FAM83H: variants seen among roughly 807,000 people sequenced by gnomAD.
The protein encoded by FAM83H is protein FAM83H.
Under a neutral mutation model 30.2 loss-of-function variants are expected in FAM83H, and 24 were observed. The ratio of observed to expected loss-of-function variants is 0.79; its 90% CI spans 0.57 to 1.12. The LOEUF (loss-of-function observed/expected upper bound fraction) is 1.12. Ranked by LOEUF, FAM83H falls within the 50% of genes most tolerant of loss-of-function variation. The pLI is 0.00. For synonymous variants in FAM83H, 1,013 were observed against 821.7 expected, an observed-to-expected ratio of 1.23 and a Z score of -3.98; for missense variants, 2,038 against 1,773.9, an observed-to-expected ratio of 1.15 and a Z score of -2.67.
intron 2 of FAM83H, 99 bp downstream of exon 2, chr8:143,730,037 G>A (rs1818457050): frequency 2.6e-6 from 3 of 1,140,570 alleles, no homozygotes; most frequent in Non-Finnish European, 3.6e-6. Flanking sequence ...CTGGAGCTCA[G>A]GCTCACCCCT....
At position 143,727,370 on chromosome 8, in the gene FAM83H, G is replaced by A. The variant is rs1818339549; in HGVS notation, c.2091C>T (p.Ala697=). ...IFSTSQAEGA[A]GAAAATEKVQ... Reference sequence around the variant, plus strand: ...CCTTCTCAGTGGCCGCCGCAGCCCCGGCCGCGCCCTCGGCCTGTGACGTGC... The same window carrying A: ...CCTTCTCAGTGGCCGCCGCAGCCCCAGCCGCGCCCTCGGCCTGTGACGTGC... The change falls in exon 5 of 5, where the codon GCC becomes GCT. Residue 697 remains alanine, a synonymous_variant. Transcript: ENST00000388913. 2 of 1,570,190 alleles carry A rather than the reference G, an allele frequency of 1.3e-6. No individual in the cohort carries two copies. The highest frequency in any genetic ancestry group is 2.3e-5 in the East Asian group (1 of 43,414).
In FAM83H at chr8:143,727,526, C is replaced by G. The variant is rs782669112; in HGVS notation, c.1935G>C (p.Pro645=). Reference sequence around the variant, plus strand: ...GCTCTGGGCCGTTGCCGCCGCTGCCCGGGCCTGGCACCGGGACCTTGGTGG... The same window carrying G: ...GCTCTGGGCCGTTGCCGCCGCTGCCGGGGCCTGGCACCGGGACCTTGGTGG... ...AFPTKVPVPG[P]GSGGNGPERE... Residue 645 remains proline (P), a synonymous_variant, in exon 5 of 5, where the codon CCG becomes CCC. Coordinates refer to ENST00000388913, the MANE Select transcript of FAM83H (RefSeq NM_198488.5). The G allele has an allele frequency of 1.2e-5, 19 of 1,581,582 alleles. 1 individual carries two copies. In the South Asian group the frequency reaches 1.9e-4, roughly 16 times the overall value.
chr8:143,726,929 G>A lies in FAM83H; in HGVS notation c.2532C>T (p.Ser844=), dbSNP rs781812004. The A allele has an allele frequency of 1.7e-5, 28 of 1,611,844 alleles. No homozygotes were observed. Among genetic ancestry groups the A allele is most frequent in the Middle Eastern group, 1.6e-4 (1 of 6,084 alleles). Residue 844 remains serine, a synonymous_variant, in exon 5 of 5, where the codon TCC becomes TCT. Coordinates refer to ENST00000388913, the MANE Select transcript of FAM83H (RefSeq NM_198488.5). ...GCAGAGGGCTGTCCAGCCCTTGCGG[G>A]GACGTTGAGTGGCTCTGGGCAGAGA... The part of the protein sequence containing the change: ...RFLSAQSHST[S]PQGLDSPLPL...
Position 143,726,375 on chromosome 8 carries a change from T to G in FAM83H, c.3086A>C (p.Asn1029Thr), listed in dbSNP as rs201821244. The change falls in exon 5 of 5, where the codon AAC becomes ACC. Residue 1029 changes from asparagine to threonine, a missense_variant. Coordinates refer to ENST00000388913, the MANE Select transcript of FAM83H (RefSeq NM_198488.5). ...CCGAAGGTTGCTGCTGTACAAGGCG[T>G]TGGCCGTGGCTGAGGACAGGCGCGC... ...PRARLSSATA[N>T]ALYSSNLRDD... 8.4e-5 allele frequency: 136 copies of G among 1,610,896 alleles called. No individual in the cohort carries two copies. The African/African-American group carries it at 1.4e-3, about 17-fold the overall frequency.
intron 1 of FAM83H, chr8:143,731,687 A>G: frequency 1.0e-6 from 1 of 985,388 alleles, no homozygotes; most frequent in Non-Finnish European, 1.2e-6. Flanking sequence ...TGCACTCCAC[A>G]TCGCCCAAAT....
chr8:143,728,225 G>T lies in FAM83H; in HGVS notation c.1236C>A (p.Phe412Leu). The change falls in exon 5 of 5, where the codon TTC becomes TTA. Residue 412 changes from phenylalanine to leucine, a missense_variant. Physicochemically the swap from Phe to Leu is conservative, Grantham distance 22. Coordinates refer to ENST00000388913, the MANE Select transcript of FAM83H (RefSeq NM_198488.5). The part of the protein sequence containing the change: ...LEMDAFKRHS[F>L]ATEGAGAVEN... Reference sequence around the variant, plus strand: ...CCACGGCGCCCGCGCCCTCGGTCGCGAAGCTGTGCCGCTTGAAGGCGTCCA... The same window carrying T: ...CCACGGCGCCCGCGCCCTCGGTCGCTAAGCTGTGCCGCTTGAAGGCGTCCA... The T allele has an allele frequency of 6.3e-7, 1 of 1,593,198 alleles. No individual in the cohort carries two copies. The highest frequency in any genetic ancestry group is 8.5e-7 in the Non-Finnish European group (1 of 1,175,012).
chr8:143,728,345 C>T lies in FAM83H; in HGVS notation c.1116G>A (p.Gly372=), dbSNP rs747107254. ...MPGGALEPHA[G]LRPLSRRLEA... ...CCAGGCGCCGCGAGAGCGGCCGCAG[C>T]CCCGCGTGCGGTTCCAGCGCGCCCC... Residue 372 remains glycine (G), a synonymous_variant, in exon 5 of 5, where the codon GGG becomes GGA. Transcript: ENST00000388913. The T allele has an allele frequency of 8.6e-6, 13 of 1,510,564 alleles. No homozygotes were observed. The South Asian group carries it at 1.4e-4, about 16-fold the overall frequency. 93.6% of individuals were successfully genotyped at this position (1,510,564 alleles called of 1,614,324 possible).
At chr8:143,731,985 A>C (rs1240388173) in intron 1 of FAM83H, 2 of 985,214 alleles carry the variant, frequency 2.0e-6, no homozygotes, top group African/African-American at 1.7e-5. Flanking sequence ...TTGGGGAGGG[A>C]GGCAGGACAC....
chr8:143,731,305 G>A, intron 1 of FAM83H: 1 of 984,138 alleles, frequency 1.0e-6, no homozygotes, highest in Non-Finnish European at 1.2e-6. Context: ...GGAGACTGTG[G>A]GTAGGTCACT....
rs1554624093 is a variant in FAM83H at position 143,730,359 on chromosome 8, G to A, written c.224C>T (p.Thr75Ile). 3 of 1,613,698 alleles carry A rather than the reference G, an allele frequency of 1.9e-6. No homozygotes were observed. The highest frequency in any genetic ancestry group is 2.2e-5 in the South Asian group (2 of 91,090). The change falls in exon 2 of 5, where the codon ACC becomes ATC. Residue 75 changes from threonine to isoleucine, a missense_variant. Thr to Ile is a moderately conservative substitution (Grantham distance 89). Coordinates refer to ENST00000388913, the MANE Select transcript of FAM83H (RefSeq NM_198488.5). ...AAGGCTGCCTTCAGGTGGCTCTCGG[G>A]TAACATACTGCGGAGGCCGAAGGTG... ...SRHLRPPQYV[T>I]REPPEGSLLD...
In FAM83H at chr8:143,726,740, G is replaced by A. The variant is rs782198800; in HGVS notation, c.2721C>T (p.Ala907=). 1 of 1,612,168 alleles carries A rather than the reference G, an allele frequency of 6.2e-7. No homozygotes were observed. The highest frequency in any genetic ancestry group is 8.5e-7 in the Non-Finnish European group (1 of 1,179,830). Residue 907 remains alanine (A), a synonymous_variant, in exon 5 of 5, where the codon GCC becomes GCT. Transcript: ENST00000388913. ...CCGGACTACCCCTGCGCTCGGGGTAGGCTGAGGTGGGGCTCCCCTTCTGCT... is the reference window on the plus strand; with the variant it reads ...CCGGACTACCCCTGCGCTCGGGGTAAGCTGAGGTGGGGCTCCCCTTCTGCT... ...FIEQKGSPTS[A]YPERRGSPVP...
Position 143,725,873 on chromosome 8 carries a change from CG to C in FAM83H, c.*47del. On this transcript the variant is annotated 3_prime_UTR_variant, in exon 5 of 5. Transcript: ENST00000388913. ...CTGTTCCGCGGGGCTTCTGGATGAC[CG>C]GGGCAGCGATGCGGGCACCCTGGCC... The C allele has an allele frequency of 6.2e-7, 1 of 1,600,348 alleles. No individual in the cohort carries two copies. The highest frequency in any genetic ancestry group is 8.5e-7 in the Non-Finnish European group (1 of 1,173,292).
chr8:143,725,926 T>C lies in FAM83H; in HGVS notation c.3535A>G (p.Lys1179Glu). 1 of 1,612,784 alleles carries C rather than the reference T, an allele frequency of 6.2e-7. No homozygotes were observed. The highest frequency in any genetic ancestry group is 8.5e-7 in the Non-Finnish European group (1 of 1,179,888). Residue 1179 changes from lysine (K) to glutamate (E), a missense_variant, in exon 5 of 5, where the codon AAG becomes GAG. Coordinates refer to ENST00000388913, the MANE Select transcript of FAM83H (RefSeq NM_198488.5). ...GGGTTGCCAGGCCAGAAGACTCACTTCTTGCTTTTGAACGTGCCCAGGATC... is the reference window on the plus strand; with the variant it reads ...GGGTTGCCAGGCCAGAAGACTCACTCCTTGCTTTTGAACGTGCCCAGGATC... ...PKILGTFKSK[K>E] is the part of the protein sequence containing the mutation.
In FAM83H at chr8:143,730,559, G is replaced by A. The variant is rs1554624238; in HGVS notation, c.24C>T (p.Ser8=). 3.2e-6 allele frequency: 5 copies of A among 1,560,804 alleles called. No individual in the cohort carries two copies. Among genetic ancestry groups the A allele is most frequent in the East Asian group, 4.5e-5 (2 of 44,386 alleles). Residue 8 remains serine (S), a synonymous_variant, in exon 2 of 5, where the codon TCC becomes TCT. Transcript: ENST00000388913. MARRSQS[S]SQGDNPLAPG... ...GTGCCAGTGGGTTGTCCCCCTGCGA[G>A]GAGCTCTGAGAGCGACGGGCCATGT...
rs1818347183 is a variant in FAM83H at position 143,727,561 on chromosome 8, C to T, written c.1900G>A (p.Ala634Thr). 6.3e-7 allele frequency: 1 copy of T among 1,587,278 alleles called. No homozygotes were observed. Among genetic ancestry groups the T allele is most frequent in the Non-Finnish European group, 8.5e-7 (1 of 1,173,942 alleles). The change falls in exon 5 of 5, where the codon GCA (alanine) becomes ACA (threonine). Residue 634 changes from alanine to threonine, a missense_variant. Coordinates refer to ENST00000388913, the MANE Select transcript of FAM83H (RefSeq NM_198488.5). Reference sequence around the variant, plus strand: ...ACCGGGACCTTGGTGGGGAAGGCTGCTGGGACGCGGAAGGCCGAGGGGAGC... The same window carrying T: ...ACCGGGACCTTGGTGGGGAAGGCTGTTGGGACGCGGAAGGCCGAGGGGAGC... ...DLLPSAFRVPAAFPTKVPVPG... is the reference protein window; with the variant it reads ...DLLPSAFRVPTAFPTKVPVPG...
chr8:143,726,840 G>T lies in FAM83H; in HGVS notation c.2621C>A (p.Ala874Asp). ...HNESKGSPTSAYPERKGSPTP... is the reference protein window; with the variant it reads ...HNESKGSPTSDYPERKGSPTP... ...GGGGCTCCCCTTCCGCTCAGGGTAA[G>T]CCGAGGTGGGGCTCCCTTTTGACTC... The change falls in exon 5 of 5, where the codon GCT becomes GAT. Residue 874 changes from alanine to aspartate, a missense_variant. Physicochemically the swap from Ala to Asp is moderately radical, Grantham distance 126. Coordinates refer to ENST00000388913, the MANE Select transcript of FAM83H (RefSeq NM_198488.5). 1 of 1,612,994 alleles carries T rather than the reference G, an allele frequency of 6.2e-7. No homozygotes were observed. Among genetic ancestry groups the T allele is most frequent in the Non-Finnish European group, 8.5e-7 (1 of 1,179,936 alleles).
Position 143,725,633 on chromosome 8 carries a change from C to T in FAM83H, c.*288G>A, listed in dbSNP as rs1340209525. On this transcript the variant is annotated 3_prime_UTR_variant, in exon 5 of 5. Coordinates refer to ENST00000388913, the MANE Select transcript of FAM83H (RefSeq NM_198488.5). Reference sequence around the variant, plus strand: ...GGCACAAAGAGATGGCGGAGCCAGACGCTGCGCCACGCAAGGCTGACGGTG... The same window carrying T: ...GGCACAAAGAGATGGCGGAGCCAGATGCTGCGCCACGCAAGGCTGACGGTG... The T allele has an allele frequency of 5.3e-6, 3 of 562,568 alleles. No homozygotes were observed. The highest frequency in any genetic ancestry group is 3.0e-5 in the East Asian group (1 of 33,232). 34.8% of individuals were successfully genotyped at this position (562,568 alleles called of 1,614,324 possible). A position where few individuals can be genotyped will look rare whatever the true frequency, so the allele number is the denominator to read the frequency against.
In FAM83H at chr8:143,730,354, C is replaced by G; in HGVS notation, c.229G>C (p.Glu77Gln). The G allele has an allele frequency of 6.2e-7, 1 of 1,613,722 alleles. No homozygotes were observed. Among genetic ancestry groups the G allele is most frequent in the African/African-American group, 1.3e-5 (1 of 75,076 alleles). Reference sequence around the variant, plus strand: ...TCGAGAAGGCTGCCTTCAGGTGGCTCTCGGGTAACATACTGCGGAGGCCGA... The same window carrying G: ...TCGAGAAGGCTGCCTTCAGGTGGCTGTCGGGTAACATACTGCGGAGGCCGA... Reference protein sequence around the residue: ...HLRPPQYVTREPPEGSLLDVD... With the variant: ...HLRPPQYVTRQPPEGSLLDVD... The change falls in exon 2 of 5, where the codon GAG becomes CAG. Residue 77 changes from glutamate (E) to glutamine (Q), a missense_variant. Coordinates refer to ENST00000388913, the MANE Select transcript of FAM83H (RefSeq NM_198488.5).
chr8:143,725,827 C>G lies in FAM83H; in HGVS notation c.*94G>C, dbSNP rs1184161046. The G allele has an allele frequency of 3.9e-6, 6 of 1,555,640 alleles. No individual in the cohort carries two copies. The African/African-American group carries it at 6.8e-5, about 18-fold the overall frequency. On this transcript the variant is annotated 3_prime_UTR_variant, in exon 5 of 5. Coordinates refer to ENST00000388913, the MANE Select transcript of FAM83H (RefSeq NM_198488.5). ...CGGCCGTGGCCTGACAGCCGCTGCT[C>G]AAGCAGATGAGCAGGGCTCTCTGTT...
Sources: allele counts gnomAD v4.1 joint callset, GRCh38; gene constraint gnomAD v4.1.1; transcripts MANE v1.5; gene names NCBI Gene and HGNC (gene_info 2026-07-23, HGNC 2026-07-21).